CFAP251: variants seen among roughly 807,000 people sequenced by gnomAD.
The protein encoded by CFAP251 is cilia- and flagella-associated protein 251.
Under a neutral mutation model 126.7 loss-of-function variants are expected in CFAP251, and 93 were observed. That is an observed-to-expected ratio of 0.73 (90% CI 0.62 to 0.87). CFAP251 has a LOEUF of 0.87. Among genes scored for constraint, CFAP251 ranks in the 40% least tolerant of loss-of-function variants. The probability of loss-of-function intolerance (pLI) is 0.00; values close to 1 mark genes in which losing one functional copy is unlikely to be tolerated. For missense variants in CFAP251, 1,287 were observed against 1,389.2 expected (o/e 0.93, Z 1.17); for synonymous variants, 503 against 506.9 (o/e 0.99, Z 0.10).
At position 121,923,802 on chromosome 12, in the gene CFAP251, G is replaced by T; in HGVS notation, c.559G>T (p.Asp187Tyr). The change falls in exon 3 of 22, where the codon GAC becomes TAC. Residue 187 changes from aspartate to tyrosine, a missense_variant. Coordinates refer to ENST00000288912, the MANE Select transcript of CFAP251 (RefSeq NM_144668.6). ...QPSGELEEKT[D>Y]RMPQDELGQE... ...CTCAGGAGAGCTTGAGGAGAAAACC[G>T]ACCGGATGCCCCAAGATGAACTGGG... 2 of 1,614,074 alleles carry T rather than the reference G, an allele frequency of 1.2e-6. No homozygotes were observed. The highest frequency in any genetic ancestry group is 8.5e-7 in the Non-Finnish European group (1 of 1,180,022).
intron 8 of CFAP251, chr12:121,949,843 G>C (rs1881458114): frequency 6.6e-6 from 1 of 152,268 alleles, no homozygotes; most frequent in African/African-American, 2.4e-5. Flanking sequence ...GAGCTGTGAT[G>C]GTGATGGTGC....
intron 5 of CFAP251, 67 bp from the exon 6 acceptor site, chr12:121,942,467 G>T: frequency 2.6e-6 from 3 of 1,160,962 alleles, no homozygotes; most frequent in Non-Finnish European, 3.8e-6. Context: ...GCTCAGACCT[G>T]CCCTGGGACT....
chr12:121,962,026 G>C lies in CFAP251; in HGVS notation c.2356G>C (p.Asp786His), dbSNP rs1266314572. 6.2e-7 allele frequency: 1 copy of C among 1,613,872 alleles called. No homozygotes were observed. The highest frequency in any genetic ancestry group is 1.7e-5 in the Admixed American group (1 of 60,026). ...RSYKDHLEVL[D>H]IHHTDQGCYP... is the part of the protein sequence containing the mutation. ...CTACAAAGACCACCTGGAAGTCCTG[G>C]ACATTCACCACACCGACCAGGGCTG... Residue 786 changes from aspartate (D) to histidine (H), a missense_variant, in exon 15 of 22, where the codon GAC becomes CAC. Asp to His is a moderately conservative substitution (Grantham distance 81). Coordinates refer to ENST00000288912, the MANE Select transcript of CFAP251 (RefSeq NM_144668.6).
chr12:121,958,164 C>G, intron 11 of CFAP251, 108 bp from the exon 12 acceptor site: 2 of 1,480,454 alleles, frequency 1.4e-6, no homozygotes, highest in Non-Finnish European at 9.1e-7. Flanking sequence ...AATAATGTCA[C>G]TAAATTACAG....
At chr12:121,931,325 A>G (rs1317841389) in intron 3 of CFAP251, among the ~76,000 whole-genome samples, 2 of 152,074 alleles carry the variant, frequency 1.3e-5, no homozygotes, top group Admixed American at 1.3e-4. Flanking sequence ...TAACGTTGCC[A>G]TCTTAACCTT....
intron 17 of CFAP251, chr12:121,969,472 C>G: frequency 1.0e-6 from 1 of 985,366 alleles, no homozygotes; most frequent in South Asian, 4.7e-5. Context: ...TGGGGACAAG[C>G]AGAACCTTCC....
Position 121,921,631 on chromosome 12 carries a change from G to A in CFAP251, c.326G>A (p.Arg109His), listed in dbSNP as rs148746110. 1.6e-5 allele frequency: 26 copies of A among 1,612,930 alleles called. 3 individuals carry two copies. The highest frequency in any genetic ancestry group is 1.5e-4 in the South Asian group (14 of 90,758). ...CAAGAAGTCACAGCGTCCATGATCC[G>A]TTTGGAGACACAGATTACTGATTCC... is the stretch of plus-strand genomic sequence containing the variant. ...EPQEVTASMI[R>H]LETQITDSQS... The change falls in exon 2 of 22, where the codon CGT becomes CAT. Residue 109 changes from arginine (R) to histidine (H), a missense_variant. Physicochemically the swap from Arg to His is conservative, Grantham distance 29. Coordinates refer to ENST00000288912, the MANE Select transcript of CFAP251 (RefSeq NM_144668.6).
At chr12:121,932,941 TG>T in intron 4 of CFAP251, 1 of 152,658 alleles carries the variant, frequency 6.6e-6, no homozygotes, top group Non-Finnish European at 1.5e-5. Context: ...GCAGATGGGC[TG>T]GGGTGGAAGG....
At chr12:121,926,666 C>T (rs533563586) in intron 3 of CFAP251, among the ~76,000 whole-genome samples, 7 of 152,042 alleles carry the variant, frequency 4.6e-5, no homozygotes, top group African/African-American at 1.4e-4. Context: ...CAGTGTTGGC[C>T]GGGCGCGGTG....
At chr12:121,985,448 C>T (rs1054797711) in intron 19 of CFAP251, among the ~76,000 whole-genome samples, 8 of 150,024 alleles carry the variant, frequency 5.3e-5, no homozygotes, top group Non-Finnish European at 7.4e-5. Flanking sequence ...GCAGGAGAAT[C>T]GCTTGAACCC....
chr12:121,954,386 A>G (rs1370630713), intron 10 of CFAP251, 52 bp downstream of exon 10: 3 of 1,493,210 alleles, frequency 2.0e-6, no homozygotes, highest in South Asian at 2.5e-5. Context: ...AAAATATTTT[A>G]AAATTGTTAT....
At chr12:121,968,661 C>T (rs946428196) in intron 17 of CFAP251, among the ~76,000 whole-genome samples, 1 of 152,054 alleles carries the variant, frequency 6.6e-6, no homozygotes, top group Admixed American at 6.5e-5. Flanking sequence ...TGAATATGGG[C>T]CCACCCTCTA....
intron 19 of CFAP251, among the ~76,000 whole-genome samples, chr12:121,983,312 T>C (rs1420837167): frequency 6.6e-6 from 1 of 151,332 alleles, no homozygotes; most frequent in African/African-American, 2.4e-5. Flanking sequence ...GAGGATTGCT[T>C]GATCCCAGGT....
At chr12:121,995,881 CAT>C (rs1328601452) in intron 19 of CFAP251, among the ~76,000 whole-genome samples, 1 of 152,184 alleles carries the variant, frequency 6.6e-6, no homozygotes, top group Middle Eastern at 3.2e-3. Context: ...TAAAATTATA[CAT>C]ATGATACCAG....
intron 3 of CFAP251, among the ~76,000 whole-genome samples, chr12:121,928,684 A>ACG (rs1880547551): frequency 2.6e-5 from 1 of 38,806 alleles, no homozygotes; most frequent in African/African-American, 6.2e-5. Flanking sequence ...ATATATATAT[A>ACG]TATACGTATA....
At chr12:121,928,704 A>ATATT (rs1414832664) in intron 3 of CFAP251, among the ~76,000 whole-genome samples, 1 of 60,350 alleles carries the variant, frequency 1.7e-5, no homozygotes, top group African/African-American at 4.0e-5. Context: ...ATATATATAT[A>ATATT]TTTTTTTTTT....
intron 7 of CFAP251, 72 bp downstream of exon 7, chr12:121,943,047 C>G (rs532487720): frequency 3.3e-6 from 5 of 1,520,080 alleles, no homozygotes; most frequent in African/African-American, 1.4e-5. Flanking sequence ...GGCGTGGTGG[C>G]TCACACCTGT....
chr12:121,972,655 A>T (rs1882365472), intron 17 of CFAP251, among the ~76,000 whole-genome samples: 1 of 151,878 alleles, frequency 6.6e-6, no homozygotes, highest in Admixed American at 6.6e-5. Context: ...TGCCTGGCTA[A>T]TTTTTTGTAT....
At position 121,958,495 on chromosome 12, in the gene CFAP251, G is replaced by T. The variant is rs1038038750; in HGVS notation, c.1954G>T (p.Val652Phe). 6.2e-7 allele frequency: 1 copy of T among 1,614,206 alleles called. No homozygotes were observed. Among genetic ancestry groups the T allele is most frequent in the African/African-American group, 1.3e-5 (1 of 75,070 alleles). ...CAGGGTTTTTGAGAAGGGGCTTGGAGTCCAGAGTCTGACCTACAACCCCGA... is the reference window on the plus strand; with the variant it reads ...CAGGGTTTTTGAGAAGGGGCTTGGATTCCAGAGTCTGACCTACAACCCCGA... The part of the protein sequence containing the change: ...FSRVFEKGLG[V>F]QSLTYNPEGA... Residue 652 changes from valine (V) to phenylalanine (F), a missense_variant, in exon 12 of 22, where the codon GTC (valine) becomes TTC (phenylalanine). Val to Phe is a conservative substitution (Grantham distance 50). Coordinates refer to ENST00000288912, the MANE Select transcript of CFAP251 (RefSeq NM_144668.6).
Sources: gnomAD v4.1 joint callset for allele counts (sites outside exome capture counted in the v4.1 genomes callset) on GRCh38, gnomAD v4.1.1 for gene constraint, MANE v1.5 for transcripts, NCBI Gene and HGNC (gene_info 2026-07-23, HGNC 2026-07-21) for gene names.